The following INO80 variants were observed in gnomAD, a reference collection of about 807,000 sequenced individuals.
INO80 encodes the protein chromatin-remodeling ATPase INO80.
Under a neutral mutation model 203.4 loss-of-function variants are expected in INO80, and 20 were observed. That is an observed-to-expected ratio of 0.10 (90% CI 0.07 to 0.14). INO80 has a LOEUF of 0.14. INO80 is among the 10% of genes least tolerant of loss of function. The probability of loss-of-function intolerance (pLI) is 1.00; values close to 1 mark genes in which losing one functional copy is unlikely to be tolerated. For missense variants in INO80, 1,419 were observed against 1,914.4 expected (o/e 0.74, Z 4.83); for synonymous variants, 726 against 685.2 (o/e 1.06, Z -0.93).
At chr15:41,079,589 AAC>A (rs373598043) in intron 9 of INO80, 110 bp downstream of exon 9, 44 of 1,037,966 alleles carry the variant, frequency 4.2e-5, no homozygotes, top group Middle Eastern at 2.1e-4. Context: ...AAAAAAAAAA[AAC>A]AAAAAATTGA....
Position 41,092,142 on chromosome 15 carries a change from T to A in INO80, c.422A>T (p.Gln141Leu). ...TTCTTCTTCATCATCGTCTTCACTC[T>A]GAGAATCAGCCTCGCTGGATTCATC... ...LSDESSEADSQSEDDDEEELN... is the reference protein window; with the variant it reads ...LSDESSEADSLSEDDDEEELN... Residue 141 changes from glutamine to leucine, a missense_variant, in exon 5 of 36, where the codon CAG becomes CTG. Gln to Leu is a moderately radical substitution (Grantham distance 113, BLOSUM62 -2). Around this residue, in one of 9 missense-constraint regions of INO80, gnomAD observed 323 missense variants for 325.4 expected, o/e 0.99. Transcript: ENST00000648947. 6.2e-7 allele frequency: 1 copy of A among 1,609,992 alleles called. No homozygotes were observed. Among genetic ancestry groups the A allele is most frequent in the Non-Finnish European group, 8.5e-7 (1 of 1,176,664 alleles).
chr15:41,022,329 G>T (rs1050776465), intron 25 of INO80, among the ~76,000 whole-genome samples: 50 of 152,168 alleles, frequency 3.3e-4, no homozygotes, highest in African/African-American at 1.1e-3. Context: ...GGCACCAAGG[G>T]AACTTGATCT....
At chr15:41,044,610 T>A (rs1443572307) in intron 24 of INO80, among the ~76,000 whole-genome samples, 3 of 152,192 alleles carry the variant, frequency 2.0e-5, no homozygotes, top group African/African-American at 7.2e-5. Context: ...TTCTATATAT[T>A]GATCTAGGTG....
chr15:40,987,828 C>T lies in INO80; in HGVS notation c.3717G>A (p.Lys1239=), dbSNP rs1376853772. 1.2e-6 allele frequency: 2 copies of T among 1,613,932 alleles called. No individual in the cohort carries two copies. The highest frequency in any genetic ancestry group is 2.2e-5 in the East Asian group (1 of 44,878). The change falls in exon 30 of 36, where the codon AAG becomes AAA. Residue 1239 remains lysine (K), a synonymous_variant. Coordinates refer to ENST00000648947, the MANE Select transcript of INO80 (RefSeq NM_017553.3). ...TIEERILQRA[K]EKSEIQRMVI... is the part of the protein sequence containing the mutation. The stretch of plus-strand genomic sequence containing the variant: ...CTCTTGTGCTTACCTCACTCTTCTC[C>T]TTGGCTCTTTGCAGAATGCGTTCTT...
In INO80 at chr15:41,096,356, G is replaced by C; in HGVS notation, c.-43-3C>G. 1 of 1,514,196 alleles carries C rather than the reference G, an allele frequency of 6.6e-7. No homozygotes were observed. Among genetic ancestry groups the C allele is most frequent in the Non-Finnish European group, 8.8e-7 (1 of 1,134,950 alleles). 93.8% of individuals were successfully genotyped at this position (1,514,196 alleles called of 1,614,324 possible). The stretch of plus-strand genomic sequence containing the variant: ...CACAAGGACCTCCGACTGCACGGCT[G>C]CAGAACAGAGATAAGAAGTGAAAGA... On this transcript the variant is annotated splice_region_variant and splice_polypyrimidine_tract_variant and intron_variant, in intron 1 of 35. Transcript: ENST00000648947.
In INO80 at chr15:40,984,178, C is replaced by T. The variant is rs746047066; in HGVS notation, c.4077+19G>A. The T allele has an allele frequency of 1.1e-5, 17 of 1,611,080 alleles. No individual in the cohort carries two copies. Among genetic ancestry groups the T allele is most frequent in the Non-Finnish European group, 8.5e-7 (1 of 1,178,322 alleles). ...ACACTCCTTACGGCTGTGATGCAGG[C>T]ATCTAAAAGGAGCCTCACCTCACTG... On this transcript the variant is annotated intron_variant, in intron 33 of 35. Coordinates refer to ENST00000648947, the MANE Select transcript of INO80 (RefSeq NM_017553.3).
chr15:41,054,764 G>A (rs957032506), intron 18 of INO80, among the ~76,000 whole-genome samples: 2 of 152,022 alleles, frequency 1.3e-5, no homozygotes, highest in Non-Finnish European at 2.9e-5. Context: ...TCAGCCTCCC[G>A]TGTAGCTGGG....
intron 27 of INO80, among the ~76,000 whole-genome samples, chr15:41,014,938 C>T (rs918670352): frequency 6.6e-6 from 1 of 152,076 alleles, no homozygotes; most frequent in Non-Finnish European, 1.5e-5. Flanking sequence ...CCTGGTGTAG[C>T]AGGGCGAGGG....
At chr15:41,094,293 T>C (rs978714722) in intron 4 of INO80, among the ~76,000 whole-genome samples, 3 of 152,160 alleles carry the variant, frequency 2.0e-5, no homozygotes, top group African/African-American at 7.2e-5. Flanking sequence ...ATCCTCCTCA[T>C]TCACTGTGCT....
At position 40,983,301 on chromosome 15, in the gene INO80, C is replaced by G. The variant is rs921876453; in HGVS notation, c.4238-224G>C. The G allele has an allele frequency of 2.4e-5, 13 of 536,684 alleles. No individual in the cohort carries two copies. The Admixed American group carries it at 3.6e-4, about 15-fold the overall frequency. 33.2% of individuals were successfully genotyped at this position (536,684 alleles called of 1,614,324 possible). A position where few individuals can be genotyped will look rare whatever the true frequency, so the allele number is the denominator to read the frequency against. On this transcript the variant is annotated intron_variant, in intron 34 of 35. Coordinates refer to ENST00000648947, the MANE Select transcript of INO80 (RefSeq NM_017553.3). The stretch of plus-strand genomic sequence containing the variant: ...CATCCTAACTCCTCAAGCTGCTTTT[C>G]ATTCTGAAGAGCAGTTACATTACTC...
At position 41,070,526 on chromosome 15, in the gene INO80, C is replaced by G. The variant is rs2045292891; in HGVS notation, c.1627G>C (p.Asp543His). 1 of 1,613,952 alleles carries G rather than the reference C, an allele frequency of 6.2e-7. No individual in the cohort carries two copies. The change falls in exon 13 of 36, where the codon GAT becomes CAT. Residue 543 changes from aspartate to histidine, a missense_variant. Physicochemically the swap from Asp to His is moderately conservative, Grantham distance 81. Transcript: ENST00000648947. ...YEQGINGILA[D>H]EMGLGKTVQS... is the part of the protein sequence containing the mutation. ...ACTGTTTTACCAAGGCCCATTTCAT[C>G]AGCAAGAATGCCATTAATACCCTGG...
At chr15:41,059,560 T>C (rs1248462601) in intron 15 of INO80, among the ~76,000 whole-genome samples, 1 of 150,074 alleles carries the variant, frequency 6.7e-6, no homozygotes, top group Non-Finnish European at 1.5e-5. Flanking sequence ...GTGGCTGAGG[T>C]GGGAGGATTG....
chr15:41,010,736 T>G (rs1265848365), intron 27 of INO80, among the ~76,000 whole-genome samples: 3 of 152,218 alleles, frequency 2.0e-5, no homozygotes. Flanking sequence ...CAAATGTTTA[T>G]ATATCCTATT....
Position 41,072,019 on chromosome 15 carries a change from C to T in INO80, c.1435G>A (p.Ala479Thr). Residue 479 changes from alanine to threonine, a missense_variant, in exon 12 of 36, where the codon GCT (alanine) becomes ACT (threonine). Ala to Thr is a moderately conservative substitution (Grantham distance 58, BLOSUM62 0). Transcript: ENST00000648947. ...GACTTGTTTGCTGCCCGTAGGGCAG[C>T]TGCTCGACTTTCTTTTGCATCTTCA... is the stretch of plus-strand genomic sequence containing the variant. ...FDEDAKESRA[A>T]ALRAANKSGT... 1 of 1,603,208 alleles carries T rather than the reference C, an allele frequency of 6.2e-7. No homozygotes were observed. Among genetic ancestry groups the T allele is most frequent in the Non-Finnish European group, 8.5e-7 (1 of 1,177,160 alleles).
intron 9 of INO80, among the ~76,000 whole-genome samples, chr15:41,077,904 T>TA (rs2045429496): frequency 7.2e-6 from 1 of 139,672 alleles, no homozygotes; most frequent in Non-Finnish European, 1.6e-5. Flanking sequence ...GAATAACATC[T>TA]TTTTTTTTTT....
At chr15:40,998,023 T>C (rs1282421893) in intron 28 of INO80, among the ~76,000 whole-genome samples, 7 of 146,668 alleles carry the variant, frequency 4.8e-5, no homozygotes, top group Admixed American at 2.0e-4. Context: ...ACTCTTTTTT[T>C]TTTTTTTTTT....
chr15:41,113,415 C>T (rs548568538), intron 1 of INO80, among the ~76,000 whole-genome samples: 22 of 152,048 alleles, frequency 1.4e-4, no homozygotes, highest in African/African-American at 3.6e-4. Context: ...TACAGGTGCG[C>T]GCCACCACGC....
At chr15:41,086,427 G>C (rs369218114) in intron 6 of INO80, among the ~76,000 whole-genome samples, 42 of 152,172 alleles carry the variant, frequency 2.8e-4, no homozygotes, top group African/African-American at 1.0e-3. Context: ...AAGGCAGGCG[G>C]ATCACCTGAG....
chr15:41,095,393 C>A (rs555301693), intron 4 of INO80, among the ~76,000 whole-genome samples: 1 of 152,146 alleles, frequency 6.6e-6, no homozygotes, highest in East Asian at 1.9e-4. Flanking sequence ...ATTAGCAATA[C>A]TCAACCTGTA....
Sources: allele counts gnomAD v4.1 joint callset (sites outside exome capture counted in the v4.1 genomes callset), GRCh38; gene constraint gnomAD v4.1.1; regional missense constraint gnomAD v4.1.1; transcripts MANE v1.5; gene names NCBI Gene and HGNC (gene_info 2026-07-23, HGNC 2026-07-21).